Variants in GMDS observed in about 807,000 individuals in gnomAD.
GMDS encodes GDP-mannose 4,6 dehydratase.
A neutral mutation model predicts 49.9 loss-of-function variants in GMDS; 20 were observed. The ratio of observed to expected loss-of-function variants is 0.40; its 90% confidence interval spans 0.28 to 0.58. GMDS has a LOEUF of 0.58. Ranked by LOEUF, GMDS falls within the 20% of genes least tolerant of loss-of-function variation. The pLI, the probability that GMDS is intolerant of heterozygous loss-of-function variation, is 0.42. For missense variants in GMDS, 362 were observed against 481.4 expected (o/e 0.75, Z 2.32); for synonymous variants, 177 against 178.6 (o/e 0.99, Z 0.07).
intron 4 of GMDS, among the ~76,000 whole-genome samples, chr6:2,036,977 T>C (rs1008812891): frequency 2.0e-5 from 3 of 152,182 alleles, no homozygotes; most frequent in Non-Finnish European, 4.4e-5. Context: ...GAGTTATCTT[T>C]TGGAGGCGAA....
intron 7 of GMDS, among the ~76,000 whole-genome samples, chr6:1,827,342 T>C (rs77892427): frequency 6.8e-6 from 1 of 146,124 alleles, no homozygotes; most frequent in Non-Finnish European, 1.5e-5. Context: ...AACCTGTATA[T>C]ACACACGTTT....
chr6:2,018,934 T>C (rs1343387115), intron 4 of GMDS, among the ~76,000 whole-genome samples: 1 of 152,104 alleles, frequency 6.6e-6, no homozygotes, highest in Non-Finnish European at 1.5e-5. Context: ...AGTGGCTACA[T>C]CACTTTACAT....
At chr6:1,941,218 C>T (rs1260272193) in intron 6 of GMDS, among the ~76,000 whole-genome samples, 1 of 152,078 alleles carries the variant, frequency 6.6e-6, no homozygotes, top group East Asian at 1.9e-4. Flanking sequence ...TAAGCCTGGC[C>T]TTCCAACGAG....
At chr6:2,180,434 A>G in intron 1 of GMDS, among the ~76,000 whole-genome samples, 1 of 152,232 alleles carries the variant, frequency 6.6e-6, no homozygotes, top group East Asian at 1.9e-4. Flanking sequence ...CATCTTTTGA[A>G]TGTACTAAGA....
intron 1 of GMDS, among the ~76,000 whole-genome samples, chr6:2,160,034 T>G (rs554449840): frequency 1.3e-5 from 2 of 152,268 alleles, no homozygotes; most frequent in East Asian, 3.9e-4. Context: ...AATCTTGGGC[T>G]GAAAAAATCA....
intron 1 of GMDS, among the ~76,000 whole-genome samples, chr6:2,221,315 CATTTT>C (rs1780577269): frequency 6.6e-6 from 1 of 152,166 alleles, no homozygotes; most frequent in Admixed American, 6.5e-5. Flanking sequence ...ACTTCAATTG[CATTTT>C]ATTATTTTAA....
At chr6:1,892,082 T>C (rs183550632) in intron 7 of GMDS, among the ~76,000 whole-genome samples, 1 of 152,302 alleles carries the variant, frequency 6.6e-6, no homozygotes, top group East Asian at 1.9e-4. Context: ...CTTATTTTTA[T>C]ACCACAAATC....
intron 1 of GMDS, among the ~76,000 whole-genome samples, chr6:2,204,983 TGAA>T (rs1453439971): frequency 1.3e-5 from 2 of 152,226 alleles, no homozygotes; most frequent in Non-Finnish European, 2.9e-5. Context: ...TGTGGTTTGA[TGAA>T]GAACTTTTTC....
chr6:1,694,073 G>A (rs551706387), intron 9 of GMDS, among the ~76,000 whole-genome samples: 1 of 152,220 alleles, frequency 6.6e-6, no homozygotes, highest in South Asian at 2.1e-4. Context: ...AGAAGATCCT[G>A]GGCCCCCAAA....
At chr6:1,982,328 C>A (rs1219722636) in intron 4 of GMDS, among the ~76,000 whole-genome samples, 2 of 152,130 alleles carry the variant, frequency 1.3e-5, no homozygotes, top group Non-Finnish European at 2.9e-5. Flanking sequence ...CAGCACAAGA[C>A]AAGGATGCCC....
chr6:1,857,283 C>T (rs1581263181), intron 7 of GMDS, among the ~76,000 whole-genome samples: 1 of 152,186 alleles, frequency 6.6e-6, no homozygotes, highest in African/African-American at 2.4e-5. Flanking sequence ...CCTGACAGTC[C>T]GTATGCTGCG....
chr6:2,042,539 C>T (rs1769750554), intron 4 of GMDS, among the ~76,000 whole-genome samples: 1 of 152,082 alleles, frequency 6.6e-6, no homozygotes, highest in African/African-American at 2.4e-5. Flanking sequence ...AAAATTGTTC[C>T]AAAACACATT....
chr6:2,148,372 T>A (rs1776679492), intron 1 of GMDS, among the ~76,000 whole-genome samples: 1 of 152,308 alleles, frequency 6.6e-6, no homozygotes, highest in Non-Finnish European at 1.5e-5. Flanking sequence ...ACAAGCATTC[T>A]CTGATCTCTG....
At chr6:1,798,237 G>GCACACA (rs70992103) in intron 7 of GMDS, among the ~76,000 whole-genome samples, 15 of 143,336 alleles carry the variant, frequency 1.0e-4, no homozygotes, top group African/African-American at 2.8e-4. Flanking sequence ...TAATTACAGA[G>GCACACA]CACACACACA....
chr6:1,981,792 G>A (rs567245174), intron 4 of GMDS, among the ~76,000 whole-genome samples: 3 of 152,218 alleles, frequency 2.0e-5, no homozygotes, highest in African/African-American at 4.8e-5. Flanking sequence ...CTGGCAAACC[G>A]AATCTGGCAG....
At chr6:1,916,676 A>G (rs1761420011) in intron 7 of GMDS, among the ~76,000 whole-genome samples, 1 of 151,948 alleles carries the variant, frequency 6.6e-6, no homozygotes, top group African/African-American at 2.4e-5. Flanking sequence ...CTAACATTTG[A>G]GAGCACAATA....
chr6:2,162,844 G>A (rs938044858), intron 1 of GMDS, among the ~76,000 whole-genome samples: 6 of 152,124 alleles, frequency 3.9e-5, no homozygotes, highest in African/African-American at 1.4e-4. Flanking sequence ...TGCTTCCACA[G>A]GAAACCGAGT....
intron 6 of GMDS, among the ~76,000 whole-genome samples, chr6:1,957,261 A>C (rs573728071): frequency 1.3e-5 from 2 of 152,312 alleles, no homozygotes; most frequent in East Asian, 3.9e-4. Context: ...ATTCATTTAA[A>C]AATATTTACT....
chr6:1,624,877 G>A (rs1023506331), intron 9 of GMDS: 2 of 206,652 alleles, frequency 9.7e-6, no homozygotes, highest in Admixed American at 1.3e-4. Context: ...TGTCAGGGAC[G>A]CTCCTATGAG....
Sources: allele counts gnomAD v4.1 joint callset (sites outside exome capture counted in the v4.1 genomes callset), GRCh38; gene constraint gnomAD v4.1.1; transcripts MANE v1.5; gene names NCBI Gene and HGNC (gene_info 2026-07-23, HGNC 2026-07-21).